The following SDK1 variants were observed in gnomAD, a reference collection of about 807,000 sequenced individuals.
The protein encoded by SDK1 is protein sidekick-1.
SDK1 carries 157 observed loss-of-function variants against 245.5 expected under a neutral mutation model. That is an observed-to-expected ratio of 0.64 (90% CI 0.56 to 0.73). The LOEUF (loss-of-function observed/expected upper bound fraction) is 0.73, where lower values mean the gene tolerates loss of function less well. SDK1 is among the 30% of genes least tolerant of loss of function. SDK1 has a pLI of 0.00. For missense variants in SDK1, 3,583 were observed against 3,002.3 expected (o/e 1.19, Z -4.52); for synonymous variants, 1,647 against 1,278.5 (o/e 1.29, Z -6.15).
intron 4 of SDK1, among the ~76,000 whole-genome samples, chr7:3,807,492 C>G (rs1248914756): frequency 6.6e-6 from 1 of 152,148 alleles, no homozygotes; most frequent in Non-Finnish European, 1.5e-5. Flanking sequence ...ATCCCCTCTA[C>G]CATAGGCCAG....
At chr7:4,154,684 C>T (rs931323177) in intron 30 of SDK1, among the ~76,000 whole-genome samples, 1 of 152,150 alleles carries the variant, frequency 6.6e-6, no homozygotes, top group African/African-American at 2.4e-5. Flanking sequence ...CTGGAAGCCC[C>T]GGTGCTGCTA....
At chr7:3,330,818 A>C (rs1394070542) in intron 1 of SDK1, among the ~76,000 whole-genome samples, 1 of 151,164 alleles carries the variant, frequency 6.6e-6, no homozygotes, top group Non-Finnish European at 1.5e-5. Flanking sequence ...AAAAAAAAAA[A>C]AAAAAAAAAA....
chr7:3,538,955 G>T (rs953385620), intron 1 of SDK1, among the ~76,000 whole-genome samples: 1 of 152,194 alleles, frequency 6.6e-6, no homozygotes, highest in Non-Finnish European at 1.5e-5. Context: ...TCCTTTTCTT[G>T]TTCCTGTCCC....
At chr7:3,468,603 C>G (rs959756073) in intron 1 of SDK1, among the ~76,000 whole-genome samples, 1 of 151,884 alleles carries the variant, frequency 6.6e-6, no homozygotes, top group Non-Finnish European at 1.5e-5. Flanking sequence ...ATAACACCCT[C>G]ATTCCAGAGA....
chr7:3,493,794 T>G (rs1301007226), intron 1 of SDK1, among the ~76,000 whole-genome samples: 1 of 152,202 alleles, frequency 6.6e-6, no homozygotes, highest in Non-Finnish European at 1.5e-5. Context: ...GAACATTGGA[T>G]TTGCTATAGT....
chr7:3,371,886 A>G (rs975394895), intron 1 of SDK1, among the ~76,000 whole-genome samples: 21 of 152,200 alleles, frequency 1.4e-4, no homozygotes, highest in Non-Finnish European at 1.5e-5. Flanking sequence ...AGAGGTTTCT[A>G]CTTAGATCTA....
At chr7:3,985,111 T>C (rs1364648504) in intron 13 of SDK1, among the ~76,000 whole-genome samples, 1 of 152,102 alleles carries the variant, frequency 6.6e-6, no homozygotes, top group Admixed American at 6.5e-5. Context: ...TGACTGGCCT[T>C]CCCAGCATGG....
intron 17 of SDK1, among the ~76,000 whole-genome samples, chr7:4,017,684 G>T (rs1243894221): frequency 1.3e-5 from 2 of 152,202 alleles, no homozygotes; most frequent in African/African-American, 4.8e-5. Context: ...CAGGAAAGCT[G>T]GCTGTGGAGT....
At chr7:3,913,082 A>T (rs1380674692) in intron 5 of SDK1, among the ~76,000 whole-genome samples, 1 of 152,242 alleles carries the variant, frequency 6.6e-6, no homozygotes, top group South Asian at 2.1e-4. Context: ...AACAGTTAAA[A>T]TGAAGAAGGA....
rs893675048 is a variant in SDK1 at position 3,942,142 on chromosome 7, A to C, written c.848-8781A>C. Among the ~76,000 whole-genome samples the C allele has an allele frequency of 2.6e-5, 4 of 152,178 alleles. No individual in the cohort carries two copies. In the East Asian group the frequency reaches 7.7e-4, roughly 29 times the overall value. On this transcript the variant is annotated intron_variant, in intron 5 of 44. Transcript: ENST00000404826. ...AGGATGGTCTCGATCTCCTGACCTC[A>C]TGATCCGCCCACCCAAGCCTCCCAA...
intron 1 of SDK1, among the ~76,000 whole-genome samples, chr7:3,466,078 G>A (rs1434285421): frequency 2.6e-5 from 4 of 152,068 alleles, no homozygotes; most frequent in Admixed American, 6.6e-5. Flanking sequence ...GGGAGGTGAG[G>A]TTTTGTTACA....
intron 1 of SDK1, among the ~76,000 whole-genome samples, chr7:3,410,096 A>G (rs989687977): frequency 2.6e-5 from 4 of 152,234 alleles, no homozygotes; most frequent in Non-Finnish European, 5.9e-5. Context: ...TGTCTGGCAC[A>G]TAATAAGTAA....
chr7:4,114,182 A>C lies in SDK1; in HGVS notation c.3731A>C (p.Glu1244Ala). ...GAATTCACCATCGAGGAGCTGGAGG[A>C]GTGGATGGAATACGAGCTGCAGATG... ...EREFTIEELE[E>A]WMEYELQMQA... Residue 1244 changes from glutamate (E) to alanine (A), a missense_variant, in exon 25 of 45, where the codon GAG (glutamate) becomes GCG (alanine). Glu to Ala is a moderately radical substitution (Grantham distance 107). Coordinates refer to ENST00000404826, the MANE Select transcript of SDK1 (RefSeq NM_152744.4). 5.0e-6 allele frequency: 8 copies of C among 1,614,072 alleles called. No individual in the cohort carries two copies. The highest frequency in any genetic ancestry group is 6.8e-6 in the Non-Finnish European group (8 of 1,180,018).
At chr7:3,333,240 G>A (rs1189842478) in intron 1 of SDK1, among the ~76,000 whole-genome samples, 1 of 151,998 alleles carries the variant, frequency 6.6e-6, no homozygotes, top group South Asian at 2.1e-4. Flanking sequence ...GCCGGTTATT[G>A]GCAAAAATTA....
At chr7:3,551,067 C>T (rs947500385) in intron 1 of SDK1, among the ~76,000 whole-genome samples, 2 of 152,190 alleles carry the variant, frequency 1.3e-5, no homozygotes, top group Non-Finnish European at 2.9e-5. Flanking sequence ...ACCTAACCTA[C>T]TTTTACATCC....
rs577198291 is a variant in SDK1, at chr7:3,437,883, C to T, written c.298+135999C>T. On this transcript the variant is annotated intron_variant, in intron 1 of 44. Transcript: ENST00000404826. ...GTACTGAAACCAAGTGAAGGGATTA[C>T]GTAGTTGACATCTCTGAAAGAGAGA... Among the ~76,000 whole-genome samples, 3 of 152,282 alleles carry T rather than the reference C, an allele frequency of 2.0e-5. 1 individual carries two copies. Among genetic ancestry groups the T allele is most frequent in the Admixed American group, 6.5e-5 (1 of 15,292 alleles).
At chr7:3,523,989 C>G (rs964578398) in intron 1 of SDK1, among the ~76,000 whole-genome samples, 8 of 152,168 alleles carry the variant, frequency 5.3e-5, no homozygotes, top group African/African-American at 1.7e-4. Context: ...GCCTGTGATT[C>G]CATCTCAGGA....
chr7:3,892,072 A>C (rs1278276405), intron 5 of SDK1, among the ~76,000 whole-genome samples: 1 of 152,126 alleles, frequency 6.6e-6, no homozygotes, highest in Non-Finnish European at 1.5e-5. Context: ...GTGTTTTAAC[A>C]CTGCATATCT....
chr7:3,656,499 A>C (rs1783189295), intron 4 of SDK1, among the ~76,000 whole-genome samples: 1 of 152,166 alleles, frequency 6.6e-6, no homozygotes, highest in African/African-American at 2.4e-5. Context: ...TTTGGACTCT[A>C]AGGGGGTACT....
Sources: allele counts gnomAD v4.1 joint callset (sites outside exome capture counted in the v4.1 genomes callset), GRCh38; gene constraint gnomAD v4.1.1; transcripts MANE v1.5; gene names NCBI Gene and HGNC (gene_info 2026-07-23, HGNC 2026-07-21).